PHF2: variants seen among roughly 807,000 people sequenced by gnomAD.
PHF2 encodes the protein PHD finger protein 2.
In PHF2, 27 loss-of-function variants were observed where a neutral mutation model predicts 120.5. That is an observed-to-expected ratio of 0.22 (90% CI 0.17 to 0.31). The LOEUF is 0.31. Among genes scored for constraint, PHF2 ranks in the 10% least tolerant of loss-of-function variants. The pLI, the probability that PHF2 is intolerant of heterozygous loss-of-function variation, is 1.00. For synonymous variants in PHF2, 568 were observed against 592.5 expected (o/e 0.96, Z 0.60); for missense variants, 1,024 against 1,434.8 (o/e 0.71, Z 4.63).
At chr9:93,591,114 G>A (rs1051243551) in intron 1 of PHF2, among the ~76,000 whole-genome samples, 6 of 152,118 alleles carry the variant, frequency 3.9e-5, no homozygotes, top group African/African-American at 7.2e-5. Context: ...GCCAGCAGCC[G>A]TGCCTCCTGT....
At chr9:93,631,507 C>T (rs369108147) in intron 2 of PHF2, among the ~76,000 whole-genome samples, 21 of 152,344 alleles carry the variant, frequency 1.4e-4, no homozygotes, top group South Asian at 6.2e-4. Flanking sequence ...CATCTGCCTA[C>T]GGCAAGCTCA....
chr9:93,621,043 C>G (rs1033173122), intron 1 of PHF2, among the ~76,000 whole-genome samples: 3 of 152,244 alleles, frequency 2.0e-5, no homozygotes, highest in African/African-American at 7.2e-5. Flanking sequence ...TGCCCTGAGA[C>G]TTAGTTTCAC....
chr9:93,631,938 A>G (rs1223302421), intron 2 of PHF2, among the ~76,000 whole-genome samples: 1 of 151,278 alleles, frequency 6.6e-6, no homozygotes, highest in Non-Finnish European at 1.5e-5. Context: ...TCTGATAGTC[A>G]GCATACATTT....
intron 1 of PHF2, among the ~76,000 whole-genome samples, chr9:93,604,193 G>C (rs147259819): frequency 1.3e-3 from 195 of 152,294 alleles, no homozygotes; most frequent in African/African-American, 4.4e-3. Context: ...GCAGGGCTGA[G>C]GTCTGGGCAA....
rs575046830 is a variant in PHF2, at chr9:93,678,546, C to G, written c.*870C>G. ...AGTGGCCAGGCGGCCCGAGGACTTA[C>G]GGTCGGCACTTCTCTGTTCTCCCGT... On this transcript the variant is annotated 3_prime_UTR_variant, in exon 22 of 22. Transcript: ENST00000359246. The G allele has an allele frequency of 1.3e-5, 2 of 152,630 alleles. No homozygotes were observed. Among genetic ancestry groups the G allele is most frequent in the African/African-American group, 4.8e-5 (2 of 41,570 alleles). 9.5% of individuals were successfully genotyped at this position (152,630 alleles called of 1,614,324 possible). A position where few individuals can be genotyped will look rare whatever the true frequency, so the allele number is the denominator to read the frequency against.
chr9:93,673,813 C>T lies in PHF2; in HGVS notation c.2577C>T (p.Tyr859=), dbSNP rs372056066. ...AAKNSVDLDD[Y]EEEQDHLDAC... ...AGAACAGTGTCGACCTGGACGACTACGAGGAAGAGCAGGACCACCTGGATG... is the reference window on the plus strand; with the variant it reads ...AGAACAGTGTCGACCTGGACGACTATGAGGAAGAGCAGGACCACCTGGATG... The change falls in exon 18 of 22, where the codon TAC becomes TAT. Residue 859 remains tyrosine, a synonymous_variant. Transcript: ENST00000359246. 1.1e-5 allele frequency: 18 copies of T among 1,610,064 alleles called. No homozygotes were observed. The highest frequency in any genetic ancestry group is 4.5e-5 in the East Asian group (2 of 44,764).
chr9:93,631,164 C>G (rs146380376), intron 2 of PHF2, among the ~76,000 whole-genome samples: 3 of 152,128 alleles, frequency 2.0e-5, no homozygotes, highest in African/African-American at 4.8e-5. Flanking sequence ...GAGGCTGGGT[C>G]GAGGGAGCCT....
rs779018220 is a variant in PHF2, at chr9:93,662,893, G to C, written c.1699-14G>C. On this transcript the variant is annotated splice_polypyrimidine_tract_variant and intron_variant, in intron 12 of 21. Transcript: ENST00000359246. Reference sequence around the variant, plus strand: ...CTATGTCTGCCTCTGGGTCACAGCAGCCCTTTTTTCTAGGCCACAAAGAGT... The same window carrying C: ...CTATGTCTGCCTCTGGGTCACAGCACCCCTTTTTTCTAGGCCACAAAGAGT... 1.2e-6 allele frequency: 2 copies of C among 1,613,776 alleles called. No homozygotes were observed. The highest frequency in any genetic ancestry group is 2.2e-5 in the South Asian group (2 of 91,068).
intron 4 of PHF2, among the ~76,000 whole-genome samples, chr9:93,648,633 C>A (rs906423821): frequency 6.6e-6 from 1 of 152,214 alleles, no homozygotes; most frequent in Admixed American, 6.5e-5. Context: ...AGGCTTTTCC[C>A]TTTATCAGTC....
intron 3 of PHF2, among the ~76,000 whole-genome samples, chr9:93,641,475 C>G (rs1343929327): frequency 6.6e-6 from 1 of 152,194 alleles, no homozygotes; most frequent in Non-Finnish European, 1.5e-5. Context: ...GTTGTTTGCC[C>G]TATGAGCTCA....
chr9:93,676,911 C>T lies in PHF2; in HGVS notation c.3150C>T (p.Leu1050=). ...TSQPMAPGVF[L]TQRRPSASSP... is the part of the protein sequence containing the mutation. ...AGCCCATGGCCCCTGGGGTCTTTCT[C>T]ACACAGAGGCGGCCCTCCGCATCGT... Residue 1050 remains leucine (L), a synonymous_variant, in exon 21 of 22, where the codon CTC becomes CTT. Transcript: ENST00000359246. The T allele has an allele frequency of 6.3e-7, 1 of 1,579,558 alleles. No homozygotes were observed.
intron 1 of PHF2, among the ~76,000 whole-genome samples, chr9:93,622,803 G>C (rs1301037923): frequency 6.6e-6 from 1 of 152,194 alleles, no homozygotes; most frequent in African/African-American, 2.4e-5. Flanking sequence ...CCCCAGAACA[G>C]GCATGTTCCA....
intron 18 of PHF2, 77 bp from the exon 19 acceptor site, chr9:93,674,850 C>A: frequency 9.8e-7 from 1 of 1,023,396 alleles, no homozygotes; most frequent in Admixed American, 1.7e-5. Flanking sequence ...GGTCTGCAGC[C>A]ACCTGTACCC....
chr9:93,613,260 C>T (rs1043292131), intron 1 of PHF2, among the ~76,000 whole-genome samples: 2 of 152,218 alleles, frequency 1.3e-5, no homozygotes, highest in African/African-American at 4.8e-5. Context: ...GGGTTCAAGG[C>T]AGCACCTCAG....
chr9:93,677,544 C>T lies in PHF2; in HGVS notation c.3203-44C>T, dbSNP rs200438580. ...ACCGGCATGCCACGCCCCTTGCCAT[C>T]TAGCTTACCTTCCCTTTTTGTGTCC... On this transcript the variant is annotated intron_variant, in intron 21 of 21. Transcript: ENST00000359246. This position sits in a 1 kb window ranked among gnomAD's most constrained non-coding sequence, Gnocchi z 4.4. The T allele has an allele frequency of 2.4e-4, 358 of 1,518,604 alleles. 1 individual carries two copies. Among genetic ancestry groups the T allele is most frequent in the Non-Finnish European group, 3.2e-4 (347 of 1,095,622 alleles). 94.1% of individuals were successfully genotyped at this position (1,518,604 alleles called of 1,614,324 possible).
intron 1 of PHF2, 25 bp downstream of exon 1, chr9:93,576,896 T>C (rs376714355): frequency 8.4e-5 from 92 of 1,092,728 alleles, no homozygotes; most frequent in Admixed American, 8.7e-5. Context: ...GCTGCTCGGC[T>C]CGGCCCGGCC....
intron 10 of PHF2, among the ~76,000 whole-genome samples, chr9:93,659,119 C>G (rs1189975109): frequency 6.6e-6 from 1 of 152,226 alleles, no homozygotes; most frequent in Non-Finnish European, 1.5e-5. Flanking sequence ...GCAGGAGAGG[C>G]AGCCAGTGCA....
chr9:93,647,210 A>G lies in PHF2; in HGVS notation c.460+1421A>G, dbSNP rs140034754. The stretch of plus-strand genomic sequence containing the variant: ...GCACACAGGATAACAGCTAATATAT[A>G]GTGAGGGCCTGCCTAGTGCCAGGCA... On this transcript the variant is annotated intron_variant, in intron 4 of 21. Coordinates refer to ENST00000359246, the MANE Select transcript of PHF2 (RefSeq NM_005392.4). 2.4e-3 allele frequency among the ~76,000 whole-genome samples: 369 copies of G among 152,220 alleles called. 3 individuals are homozygous for G. Among genetic ancestry groups the G allele is most frequent in the African/African-American group, 8.4e-3 (351 of 41,542 alleles).
intron 3 of PHF2, among the ~76,000 whole-genome samples, chr9:93,636,903 T>C (rs1013414278): frequency 6.6e-6 from 1 of 152,228 alleles, no homozygotes; most frequent in African/African-American, 2.4e-5. Flanking sequence ...CAGGCAGGCG[T>C]TGTCCTCATG....
Sources: gnomAD v4.1 joint callset for allele counts (sites outside exome capture counted in the v4.1 genomes callset) on GRCh38, gnomAD v4.1.1 for gene constraint, Gnocchi (gnomAD v3.1) non-coding constraint, MANE v1.5 for transcripts, NCBI Gene and HGNC (gene_info 2026-07-23, HGNC 2026-07-21) for gene names.